CDC25B: variants seen among roughly 807,000 people sequenced by gnomAD.
The protein encoded by CDC25B is cell division cycle 25B.
Under a neutral mutation model 69.8 loss-of-function variants are expected in CDC25B, and 33 were observed. The observed-to-expected ratio is 0.47, with a 90% confidence interval of 0.36 to 0.63. CDC25B has a LOEUF of 0.63. CDC25B is among the 30% of genes least tolerant of loss of function. The pLI is 0.00. For missense variants in CDC25B, 727 were observed against 809.1 expected, an observed-to-expected ratio of 0.90 and a Z score of 1.23; for synonymous variants, 341 against 314.6, an observed-to-expected ratio of 1.08 and a Z score of -0.89.
upstream of CDC25B, among the ~76,000 whole-genome samples, chr20:3,795,546 C>A (rs912490651): frequency 6.6e-6 from 1 of 152,214 alleles, no homozygotes; most frequent in Non-Finnish European, 1.5e-5. Flanking sequence ...TTGCTGACAC[C>A]CTCCTCGACC....
At position 3,805,222 on chromosome 20, in the gene CDC25B, T is replaced by C; in HGVS notation, c.*261T>C. ...GGTTAATACCAGCTTAAAGGCAGTA[T>C]TTTGTGTCCTCCAGGAGCTTCTTGT... On this transcript the variant is annotated 3_prime_UTR_variant, in exon 16 of 16. Coordinates refer to ENST00000245960, the MANE Select transcript of CDC25B (RefSeq NM_021873.4). 1 of 511,216 alleles carries C rather than the reference T, an allele frequency of 2.0e-6. No homozygotes were observed. The allele number at this position is 511,216 out of a possible 1,614,324, so 31.7% of individuals were successfully genotyped here. A position where few individuals can be genotyped will look rare whatever the true frequency, so the allele number is the denominator to read the frequency against.
In CDC25B at chr20:3,801,927, C is replaced by T. The variant is rs753753363; in HGVS notation, c.925C>T (p.Leu309Phe). Residue 309 changes from leucine (L) to phenylalanine (F), a missense_variant, in exon 10 of 16, where the codon CTC (leucine) becomes TTC (phenylalanine). Leu to Phe is a conservative substitution (Grantham distance 22, BLOSUM62 0). Transcript: ENST00000245960. The part of the protein sequence containing the change: ...KTLEKEEEKD[L>F]VMYSKCQRLF... ...CCTAACCTGCTGTCCCTGCCAGGAC[C>T]TCGTCATGTACAGCAAGTGCCAGCG... is the stretch of plus-strand genomic sequence containing the variant. The T allele has an allele frequency of 6.2e-7, 1 of 1,608,698 alleles. No individual in the cohort carries two copies. Among genetic ancestry groups the T allele is most frequent in the Non-Finnish European group, 8.5e-7 (1 of 1,176,638 alleles).
In CDC25B at chr20:3,801,519, G is replaced by C. The variant is rs140343469; in HGVS notation, c.840+131G>C. On this transcript the variant is annotated intron_variant, in intron 8 of 15. Transcript: ENST00000245960. The stretch of plus-strand genomic sequence containing the variant: ...CAGAAGAAGAATCTGAGGTAACTGA[G>C]TCACAGCCTAACCTCTGGCCAATGA... 135 of 1,246,306 alleles carry C rather than the reference G, an allele frequency of 1.1e-4. 1 individual carries two copies. The African/African-American group carries it at 1.9e-3, about 18-fold the overall frequency. 77.2% of individuals were successfully genotyped at this position (1,246,306 alleles called of 1,614,324 possible).
chr20:3,795,952 G>T, upstream of CDC25B: 2 of 987,170 alleles, frequency 2.0e-6, no homozygotes, highest in Non-Finnish European at 2.4e-6. Flanking sequence ...GAGCCAGTTG[G>T]AGCCTCTCCC....
intron 3 of CDC25B, 89 bp downstream of exon 3, chr20:3,798,552 G>A (rs961301477): frequency 2.7e-6 from 3 of 1,091,780 alleles, no homozygotes; most frequent in Non-Finnish European, 4.0e-6. Context: ...CGGGAGGCCT[G>A]GGAAAGCAGA....
At chr20:3,793,505 T>TC (rs1231132682), upstream of CDC25B, among the ~76,000 whole-genome samples, 6 of 148,768 alleles carry the variant, frequency 4.0e-5, no homozygotes, top group South Asian at 1.1e-3. Context: ...CTTGCCCACC[T>TC]CCCCCCTCAC....
At position 3,801,929 on chromosome 20, in the gene CDC25B, C is replaced by A; in HGVS notation, c.927C>A (p.Leu309=). Reference sequence around the variant, plus strand: ...TAACCTGCTGTCCCTGCCAGGACCTCGTCATGTACAGCAAGTGCCAGCGGC... The same window carrying A: ...TAACCTGCTGTCCCTGCCAGGACCTAGTCATGTACAGCAAGTGCCAGCGGC... ...KTLEKEEEKD[L]VMYSKCQRLF... is the part of the protein sequence containing the mutation. The change falls in exon 10 of 16, where the codon CTC becomes CTA. Residue 309 remains leucine (L), a synonymous_variant. Coordinates refer to ENST00000245960, the MANE Select transcript of CDC25B (RefSeq NM_021873.4). 1 of 1,609,494 alleles carries A rather than the reference C, an allele frequency of 6.2e-7. No individual in the cohort carries two copies. Among genetic ancestry groups the A allele is most frequent in the South Asian group, 1.1e-5 (1 of 90,278 alleles).
At position 3,805,022 on chromosome 20, in the gene CDC25B, T is replaced by C. The variant is rs1335548569; in HGVS notation, c.*61T>C. The C allele has an allele frequency of 6.4e-7, 1 of 1,557,516 alleles. No homozygotes were observed. The highest frequency in any genetic ancestry group is 8.7e-7 in the Non-Finnish European group (1 of 1,152,490). On this transcript the variant is annotated 3_prime_UTR_variant, in exon 16 of 16. Transcript: ENST00000245960. ...TCGAGGCCTGAAGCCAGCTGCCCTA[T>C]GGGCCTGCCGGGCTGAGGGCCTGCT... is the stretch of plus-strand genomic sequence containing the variant.
At chr20:3,789,736 TC>T (rs1342994543) in intron 1 of CDC25B, among the ~76,000 whole-genome samples, 1 of 152,084 alleles carries the variant, frequency 6.6e-6, no homozygotes, top group Non-Finnish European at 1.5e-5. Context: ...ATGCCTGTAA[TC>T]CCAGCACTTT....
At chr20:3,796,834 T>G (rs1600387717) in intron 1 of CDC25B, 103 bp downstream of exon 1, 2 of 1,414,078 alleles carry the variant, frequency 1.4e-6, no homozygotes, top group Non-Finnish European at 1.9e-6. Context: ...GGAGGTGGAG[T>G]CCGGGGAGGC....
At chr20:3,804,164 G>A (rs746069884) in intron 14 of CDC25B, among the ~76,000 whole-genome samples, 3 of 152,190 alleles carry the variant, frequency 2.0e-5, no homozygotes, top group Non-Finnish European at 2.9e-5. Context: ...ACCGGGCCTG[G>A]GCACTGGCTT....
At chr20:3,787,111 C>T in exon 1 of CDC25B, 2 of 642,362 alleles carry the variant, frequency 3.1e-6, no homozygotes, top group Non-Finnish European at 5.5e-6. Context: ...TTGAAAAACG[C>T]TTTTCACGTC....
intron 1 of CDC25B, among the ~76,000 whole-genome samples, chr20:3,790,606 G>A (rs1484936607): frequency 6.6e-6 from 1 of 151,548 alleles, no homozygotes; most frequent in Non-Finnish European, 1.5e-5. Flanking sequence ...TGGATCACGA[G>A]GTCACCCAGG....
In CDC25B at chr20:3,803,266, G is replaced by A; in HGVS notation, c.1356+60G>A. ...CCCACCTGGTTTAGGTCCTTGCTTTGCCAAGAGGGTGAATGGGTGGAGGAC... is the reference window on the plus strand; with the variant it reads ...CCCACCTGGTTTAGGTCCTTGCTTTACCAAGAGGGTGAATGGGTGGAGGAC... On this transcript the variant is annotated intron_variant, in intron 13 of 15. Transcript: ENST00000245960. This position sits in a 1 kb window ranked among gnomAD's most constrained non-coding sequence, Gnocchi z 4.9. 2 of 1,574,500 alleles carry A rather than the reference G, an allele frequency of 1.3e-6. No individual in the cohort carries two copies. Among genetic ancestry groups the A allele is most frequent in the East Asian group, 2.2e-5 (1 of 44,548 alleles).
At position 3,805,798 on chromosome 20, in the gene CDC25B, T is replaced by C. The variant is rs1041638624; in HGVS notation, c.*837T>C. On this transcript the variant is annotated 3_prime_UTR_variant, in exon 16 of 16. Transcript: ENST00000245960. Reference sequence around the variant, plus strand: ...TTGCTGCTGTCTTGTTGCGGATGGATGGAAGGTTGGATGGATGGGTGGATG... The same window carrying C: ...TTGCTGCTGTCTTGTTGCGGATGGACGGAAGGTTGGATGGATGGGTGGATG... 2.5e-6 allele frequency: 1 copy of C among 406,362 alleles called. No homozygotes were observed. Among genetic ancestry groups the C allele is most frequent in the Non-Finnish European group, 4.4e-6 (1 of 228,284 alleles). 25.2% of individuals were successfully genotyped at this position (406,362 alleles called of 1,614,324 possible). A position where few individuals can be genotyped will look rare whatever the true frequency, so the allele number is the denominator to read the frequency against.
intron 10 of CDC25B, 58 bp downstream of exon 10, chr20:3,802,158 G>T: frequency 6.5e-7 from 1 of 1,542,362 alleles, no homozygotes; most frequent in Non-Finnish European, 8.8e-7. Flanking sequence ...CACCCCCTTG[G>T]CTAAGTTTGT....
Position 3,797,632 on chromosome 20 carries a change from A to G in CDC25B, c.211A>G (p.Lys71Glu), listed in dbSNP as rs987818882. ...CTGTTCCCTTCCCAGCGAAACCCCAAAGAGTCAGGTAGGGACCCTGCTCTT... is the reference window on the plus strand; with the variant it reads ...CTGTTCCCTTCCCAGCGAAACCCCAGAGAGTCAGGTAGGGACCCTGCTCTT... ...DLAGLGSETPKSQVGTLLFRS... is the reference protein window; with the variant it reads ...DLAGLGSETPESQVGTLLFRS... The change falls in exon 2 of 16, where the codon AAG becomes GAG. Residue 71 changes from lysine (K) to glutamate (E), a missense_variant. Physicochemically the swap from Lys to Glu is moderately conservative, Grantham distance 56. Around this residue, in one of 2 missense-constraint regions of CDC25B, gnomAD observed 368 missense variants for 345.6 expected, o/e 1.06. Transcript: ENST00000245960. 9.3e-6 allele frequency: 15 copies of G among 1,613,960 alleles called. No individual in the cohort carries two copies. The highest frequency in any genetic ancestry group is 1.3e-5 in the Non-Finnish European group (15 of 1,179,998).
intron 8 of CDC25B, 70 bp from the exon 9 acceptor site, chr20:3,801,652 G>A: frequency 2.3e-6 from 3 of 1,304,240 alleles, no homozygotes; most frequent in Non-Finnish European, 3.2e-6. Context: ...TGTGCTGGAG[G>A]ATTCCGGGAC....
intron 1 of CDC25B, 64 bp from the exon 2 acceptor site, chr20:3,797,558 G>T: frequency 6.9e-6 from 11 of 1,593,110 alleles, no homozygotes; most frequent in Non-Finnish European, 9.4e-6. Context: ...GGGAACGTGG[G>T]CTAGCCAGGC....
Sources: allele counts gnomAD v4.1 joint callset (sites outside exome capture counted in the v4.1 genomes callset), GRCh38; gene constraint gnomAD v4.1.1; regional missense constraint gnomAD v4.1.1; non-coding constraint Gnocchi (gnomAD v3.1); transcripts MANE v1.5; gene names NCBI Gene and HGNC (gene_info 2026-07-23, HGNC 2026-07-21).